Variants in USP15 observed in about 807,000 individuals in gnomAD.
The protein encoded by USP15 is ubiquitin specific peptidase 15.
A neutral mutation model predicts 127.1 loss-of-function variants in USP15; 18 were observed. The ratio of observed to expected loss-of-function variants is 0.14; its 90% CI spans 0.10 to 0.21. The LOEUF (loss-of-function observed/expected upper bound fraction) is 0.21, where lower values mean the gene tolerates loss of function less well. Ranked by LOEUF, USP15 falls within the 10% of genes least tolerant of loss-of-function variation. The probability of loss-of-function intolerance (pLI) is 1.00; values close to 1 mark genes in which losing one functional copy is unlikely to be tolerated. For synonymous variants in USP15, 364 were observed against 393.7 expected (o/e 0.92, Z 0.89); for missense variants, 805 against 1,159.9 (o/e 0.69, Z 4.44).
At chr12:62,354,372 A>G (rs2066056360) in intron 7 of USP15, among the ~76,000 whole-genome samples, 1 of 151,990 alleles carries the variant, frequency 6.6e-6, no homozygotes, top group South Asian at 2.1e-4. Context: ...TTCTATTTAT[A>G]GCATCATTTG....
intron 1 of USP15, among the ~76,000 whole-genome samples, chr12:62,292,501 A>G (rs2064001750): frequency 6.6e-6 from 1 of 152,200 alleles, no homozygotes; most frequent in Admixed American, 6.5e-5. Flanking sequence ...AGCTTCAGAT[A>G]GCCTGCCCTC....
Position 62,409,342 on chromosome 12 carries a change from C to T in USP15, c.*4967C>T, listed in dbSNP as rs980078611. The T allele has an allele frequency of 1.8e-4, 28 of 152,182 alleles. No homozygotes were observed. Among genetic ancestry groups the T allele is most frequent in the African/African-American group, 6.7e-4 (28 of 41,536 alleles). The allele number at this position is 152,182 out of a possible 1,614,324, so 9.4% of individuals were successfully genotyped here. A position where few individuals can be genotyped will look rare whatever the true frequency, so the allele number is the denominator to read the frequency against. Reference sequence around the variant, plus strand: ...CAGTCTCAAAGGACAGAGAGAAAATCAGTCAAATGGGTTTTGATATTTTTT... The same window carrying T: ...CAGTCTCAAAGGACAGAGAGAAAATTAGTCAAATGGGTTTTGATATTTTTT... On this transcript the variant is annotated 3_prime_UTR_variant, in exon 22 of 22. Transcript: ENST00000280377.
chr12:62,300,954 G>C (rs764064940), intron 2 of USP15, among the ~76,000 whole-genome samples: 2 of 152,080 alleles, frequency 1.3e-5, no homozygotes, highest in Non-Finnish European at 2.9e-5. Flanking sequence ...CCACAGTGTG[G>C]GAGAAGATAT....
chr12:62,365,883 G>T (rs975838867), intron 8 of USP15, among the ~76,000 whole-genome samples: 2 of 152,176 alleles, frequency 1.3e-5, no homozygotes, highest in African/African-American at 2.4e-5. Context: ...TGTTATTTCT[G>T]ATGCCTCTGT....
chr12:62,329,574 A>T (rs2065225987), intron 6 of USP15, among the ~76,000 whole-genome samples: 1 of 142,244 alleles, frequency 7.0e-6, no homozygotes, highest in Non-Finnish European at 1.5e-5. Context: ...CCTGTAATAT[A>T]TTAAGAACTC....
intron 2 of USP15, 53 bp downstream of exon 2, chr12:62,294,359 TA>T: frequency 6.4e-7 from 1 of 1,568,390 alleles, no homozygotes; most frequent in Non-Finnish European, 8.6e-7. Context: ...TTTCATTATA[TA>T]AATGTCAGTG....
chr12:62,264,141 C>T (rs753948299), intron 1 of USP15, among the ~76,000 whole-genome samples: 23 of 152,100 alleles, frequency 1.5e-4, no homozygotes, highest in Admixed American at 6.5e-4. Flanking sequence ...CATGCCACCA[C>T]GCCCAGCTAA....
intron 1 of USP15, among the ~76,000 whole-genome samples, chr12:62,281,201 TTTTCA>T (rs2063637284): frequency 6.6e-6 from 1 of 152,216 alleles, no homozygotes; most frequent in South Asian, 2.1e-4. Context: ...AAATAAAATC[TTTTCA>T]TTTATTTGTC....
intron 1 of USP15, among the ~76,000 whole-genome samples, chr12:62,262,661 G>A (rs1245936926): frequency 1.3e-5 from 2 of 151,950 alleles, no homozygotes; most frequent in African/African-American, 4.8e-5. Flanking sequence ...TTATATATGT[G>A]CGTGTGTGTG....
intron 21 of USP15, among the ~76,000 whole-genome samples, chr12:62,402,170 G>A (rs1232908857): frequency 2.0e-5 from 3 of 151,476 alleles, no homozygotes; most frequent in East Asian, 3.9e-4. Flanking sequence ...TTTATATATA[G>A]TATACAAATT....
At chr12:62,351,613 C>A (rs2065969591) in intron 7 of USP15, among the ~76,000 whole-genome samples, 3 of 152,048 alleles carry the variant, frequency 2.0e-5, no homozygotes, top group African/African-American at 7.2e-5. Flanking sequence ...ACAGTATAAT[C>A]TAATCTCAAA....
chr12:62,299,201 C>T (rs1225980521), intron 2 of USP15, among the ~76,000 whole-genome samples: 1 of 152,120 alleles, frequency 6.6e-6, no homozygotes, highest in East Asian at 1.9e-4. Flanking sequence ...ACCTCCGCAT[C>T]CCAGGTTCGA....
At chr12:62,260,529 G>A (rs2063010951) in intron 1 of USP15, 26 bp downstream of exon 1, 8 of 1,546,768 alleles carry the variant, frequency 5.2e-6, no homozygotes, top group African/African-American at 1.4e-5. Flanking sequence ...TGAGATGCCC[G>A]CGGTTGCCCG....
In USP15 at chr12:62,404,551, C is replaced by A; in HGVS notation, c.*176C>A. The stretch of plus-strand genomic sequence containing the variant: ...TACTTGAAGTGAAACACAATGAAAA[C>A]TTTAACAGAAATTGTCTCTTAATAC... On this transcript the variant is annotated 3_prime_UTR_variant, in exon 22 of 22. Coordinates refer to ENST00000280377, the MANE Select transcript of USP15 (RefSeq NM_001252078.2). The A allele has an allele frequency of 1.2e-6, 1 of 850,850 alleles. No homozygotes were observed. Among genetic ancestry groups the A allele is most frequent in the Non-Finnish European group, 1.6e-6 (1 of 624,182 alleles). 52.7% of individuals were successfully genotyped at this position (850,850 alleles called of 1,614,324 possible).
chr12:62,306,394 A>C (rs2064484431), intron 3 of USP15, among the ~76,000 whole-genome samples: 2 of 152,176 alleles, frequency 1.3e-5, no homozygotes, highest in African/African-American at 2.4e-5. Context: ...ATGAAAGCTT[A>C]AAGGGCCTTA....
At chr12:62,355,594 GA>G in intron 8 of USP15, 119 bp downstream of exon 8, 1 of 1,130,328 alleles carries the variant, frequency 8.8e-7, no homozygotes, top group Non-Finnish European at 1.2e-6. Context: ...ATTTTTCATG[GA>G]AGATTTAAGC....
chr12:62,372,412 T>G (rs954755488), intron 8 of USP15, among the ~76,000 whole-genome samples: 1 of 152,150 alleles, frequency 6.6e-6, no homozygotes, highest in African/African-American at 2.4e-5. Flanking sequence ...AAAATTCTTT[T>G]AGAACATTAT....
intron 1 of USP15, among the ~76,000 whole-genome samples, chr12:62,273,796 G>A (rs796285441): frequency 4.6e-5 from 7 of 152,062 alleles, no homozygotes; most frequent in African/African-American, 7.2e-5. Context: ...CTTATTCTAC[G>A]AAGTTTCTGA....
At chr12:62,321,048 A>G (rs979389329) in intron 4 of USP15, among the ~76,000 whole-genome samples, 16 of 152,082 alleles carry the variant, frequency 1.1e-4, no homozygotes, top group African/African-American at 3.6e-4. Flanking sequence ...TTATTTTTAA[A>G]TTGCTTATGT....
Sources: gnomAD v4.1 joint callset for allele counts (sites outside exome capture counted in the v4.1 genomes callset) on GRCh38, gnomAD v4.1.1 for gene constraint, MANE v1.5 for transcripts, NCBI Gene and HGNC (gene_info 2026-07-23, HGNC 2026-07-21) for gene names.